Variants in VXN observed in about 807,000 individuals in gnomAD.
VXN encodes the protein uncharacterized protein C8orf46.
VXN carries 7 observed loss-of-function variants against 23.1 expected under a neutral mutation model. That is an observed-to-expected ratio of 0.30 (90% CI 0.17 to 0.57). The LOEUF is 0.57. Ranked by LOEUF, VXN falls within the 20% of genes least tolerant of loss-of-function variation. The pLI is 0.91. For missense variants in VXN, 238 were observed against 272.6 expected (o/e 0.87, Z 0.89); for synonymous variants, 120 against 105.8 (o/e 1.13, Z -0.83).
In VXN at chr8:66,493,596, G is replaced by A. The variant is rs1204006705; in HGVS notation, c.-53G>A. ...GGATTAGGATGCCTCGCGACTAGGG[G>A]TCCAGAGACAGAGGCCTCCAGTTCC... is the stretch of plus-strand genomic sequence containing the variant. On this transcript the variant is annotated 5_prime_UTR_variant, in exon 1 of 6. Transcript: ENST00000305454. The A allele has an allele frequency of 2.0e-6, 3 of 1,503,096 alleles. No homozygotes were observed. In the Admixed American group the frequency reaches 5.0e-5, roughly 25 times the overall value. The allele number at this position is 1,503,096 out of a possible 1,614,324, so 93.1% of individuals were successfully genotyped here. A position where few individuals can be genotyped will look rare whatever the true frequency, so the allele number is the denominator to read the frequency against.
Position 66,517,430 on chromosome 8 carries a change from A to G in VXN, c.*1354A>G, listed in dbSNP as rs1020196363. 1 of 152,236 alleles carries G rather than the reference A, an allele frequency of 6.6e-6. No individual in the cohort carries two copies. Among genetic ancestry groups the G allele is most frequent in the African/African-American group, 2.4e-5 (1 of 41,468 alleles). The allele number at this position is 152,236 out of a possible 1,614,324, so 9.4% of individuals were successfully genotyped here. On this transcript the variant is annotated 3_prime_UTR_variant, in exon 6 of 6. Coordinates refer to ENST00000305454, the MANE Select transcript of VXN (RefSeq NM_152765.4). ...TAGACTAAGGCACCTAACTTATGTG[A>G]GTGTCAGGCTTCAATGCCTGTGTTA...
chr8:66,513,589 T>G lies in VXN; in HGVS notation c.392T>G (p.Leu131Trp), dbSNP rs1807850097. The G allele has an allele frequency of 2.5e-6, 4 of 1,614,144 alleles. No homozygotes were observed. Among genetic ancestry groups the G allele is most frequent in the Non-Finnish European group, 3.4e-6 (4 of 1,179,994 alleles). ...GTGAAAACTTCAGCCTCTGCCTCAT[T>G]GGAGGCGACAGCCATGGGCACAGAG... Reference protein sequence around the residue: ...ISVKTSASASLEATAMGTEKG... With the variant: ...ISVKTSASASWEATAMGTEKG... The change falls in exon 5 of 6, where the codon TTG becomes TGG. Residue 131 changes from leucine to tryptophan, a missense_variant. Leu to Trp is a moderately conservative substitution (Grantham distance 61). Coordinates refer to ENST00000305454, the MANE Select transcript of VXN (RefSeq NM_152765.4).
In VXN at chr8:66,516,060, C is replaced by T; in HGVS notation, c.608C>T (p.Ala203Val). 1 of 1,610,296 alleles carries T rather than the reference C, an allele frequency of 6.2e-7. No individual in the cohort carries two copies. The highest frequency in any genetic ancestry group is 8.5e-7 in the Non-Finnish European group (1 of 1,179,328). ...GAATATGTGGGAGCCACCAACAGCG[C>T]CTTTGAGGCCGACTAAAGGTGACCC... ...KSEYVGATNS[A>V]FEAD The change falls in exon 6 of 6, where the codon GCC becomes GTC. Residue 203 changes from alanine (A) to valine (V), a missense_variant. Physicochemically the swap from Ala to Val is moderately conservative, Grantham distance 64 (BLOSUM62 0). Transcript: ENST00000305454.
chr8:66,493,820 G>A (rs1374780663), intron 1 of VXN, 102 bp downstream of exon 1: 1 of 888,222 alleles, frequency 1.1e-6, no homozygotes, highest in Non-Finnish European at 1.8e-6. Flanking sequence ...TCAGGTCTCT[G>A]GGGTCTGATG....
rs187742383 is a variant in VXN at position 66,493,634 on chromosome 8, G to A, written c.-15G>A. On this transcript the variant is annotated 5_prime_UTR_variant, in exon 1 of 6. Transcript: ENST00000305454. ...GGCCTCCAGTTCCCAGGCACTTCGG[G>A]AAGAGGAGGCTGAAATGATGCATCA... The A allele has an allele frequency of 4.4e-4, 706 of 1,612,872 alleles. 3 individuals are homozygous for A. In the African/African-American group the frequency reaches 6.7e-3, roughly 15 times the overall value.
rs200298492 is a variant in VXN, at chr8:66,505,334, G to C, written c.127-41G>C. The C allele has an allele frequency of 8.3e-6, 13 of 1,562,970 alleles. No individual in the cohort carries two copies. In the African/African-American group the frequency reaches 9.4e-5, roughly 11 times the overall value. ...TGGGGTTCCATGGGTCCCTAGGCCC[G>C]AGCAGAGGAGTGGGCTAACCGCGTT... On this transcript the variant is annotated intron_variant, in intron 2 of 5. Transcript: ENST00000305454.
In VXN at chr8:66,512,353, C is replaced by T. The variant is rs1008021543; in HGVS notation, c.343-1187C>T. Among the ~76,000 whole-genome samples the T allele has an allele frequency of 3.3e-5, 5 of 152,166 alleles. No individual in the cohort carries two copies. In the East Asian group the frequency reaches 5.8e-4, roughly 18 times the overall value. On this transcript the variant is annotated intron_variant, in intron 4 of 5. Transcript: ENST00000305454. ...GCATAATGGGAAGGAAGCGTTTGCA[C>T]GGACCACAAGGTGGCACAGCAGCTC...
intron 2 of VXN, among the ~76,000 whole-genome samples, chr8:66,502,378 A>T (rs1267250267): frequency 6.6e-6 from 1 of 152,192 alleles, no homozygotes. Context: ...TGGATAAATG[A>T]GATTGCAAAG....
chr8:66,505,460 G>T lies in VXN; in HGVS notation c.212G>T (p.Arg71Leu). 6.3e-7 allele frequency: 1 copy of T among 1,575,594 alleles called. No homozygotes were observed. Among genetic ancestry groups the T allele is most frequent in the Non-Finnish European group, 8.6e-7 (1 of 1,161,548 alleles). ...GACCGCAGGGACCCTGGCGACCGCC[G>T]CAGGTTTGGGCGGCTCCAGACCGCG... ...RGDRRDPGDRRRFGRLQTARP... is the reference protein window; with the variant it reads ...RGDRRDPGDRLRFGRLQTARP... The change falls in exon 3 of 6, where the codon CGC becomes CTC. Residue 71 changes from arginine (R) to leucine (L), a missense_variant. Coordinates refer to ENST00000305454, the MANE Select transcript of VXN (RefSeq NM_152765.4).
intron 4 of VXN, 55 bp from the exon 5 acceptor site, chr8:66,513,485 G>A: frequency 6.9e-7 from 1 of 1,448,168 alleles, no homozygotes; most frequent in Non-Finnish European, 9.7e-7. Context: ...CTCAGTCAGG[G>A]CCAGAGTGGG....
rs1470576230 is a variant in VXN at position 66,515,783 on chromosome 8, A to G, written c.441-110A>G. On this transcript the variant is annotated intron_variant, in intron 5 of 5. Coordinates refer to ENST00000305454, the MANE Select transcript of VXN (RefSeq NM_152765.4). ...CCTTACAGCTACGTGGATCCCGGTC[A>G]CTGAGGAGGAGCAGAGGAGAGAGAG... is the stretch of plus-strand genomic sequence containing the variant. 4.4e-6 allele frequency: 4 copies of G among 913,022 alleles called. No homozygotes were observed. The Admixed American group carries it at 1.0e-4, about 24-fold the overall frequency. The allele number at this position is 913,022 out of a possible 1,614,324, so 56.6% of individuals were successfully genotyped here.
In VXN at chr8:66,513,545, G is replaced by T; in HGVS notation, c.348G>T (p.Pro116=). ...GNRAYGKSLI[P]PVPRISVKTS... is the part of the protein sequence containing the mutation. ...CTCCCGCTTCCTCATGACAGATACCGCCAGTGCCCCGGATCTCAGTGAAAA... is the reference window on the plus strand; with the variant it reads ...CTCCCGCTTCCTCATGACAGATACCTCCAGTGCCCCGGATCTCAGTGAAAA... Residue 116 remains proline, a synonymous_variant, in exon 5 of 6, where the codon CCG becomes CCT. Transcript: ENST00000305454. 1 of 1,613,940 alleles carries T rather than the reference G, an allele frequency of 6.2e-7. No individual in the cohort carries two copies. Among genetic ancestry groups the T allele is most frequent in the Non-Finnish European group, 8.5e-7 (1 of 1,179,884 alleles).
intron 4 of VXN, among the ~76,000 whole-genome samples, chr8:66,512,537 G>A (rs192659729): frequency 6.6e-6 from 1 of 152,306 alleles, no homozygotes; most frequent in African/African-American, 2.4e-5. Flanking sequence ...AGCAGCCTCT[G>A]GACTTAGCCC....
chr8:66,516,439 A>AT lies in VXN; in HGVS notation c.*367dup, dbSNP rs1461853121. 3 of 161,022 alleles carry AT rather than the reference A, an allele frequency of 1.9e-5. No homozygotes were observed. Among genetic ancestry groups the AT allele is most frequent in the Non-Finnish European group, 4.0e-5 (3 of 74,188 alleles). The allele number at this position is 161,022 out of a possible 1,614,324, so 10.0% of individuals were successfully genotyped here. The stretch of plus-strand genomic sequence containing the variant: ...CTTGTGAGTTGCTCTAAAGTGTGTG[A>AT]TTTTCTAGTGTAAATGGACTTTGAG... On this transcript the variant is annotated 3_prime_UTR_variant, in exon 6 of 6. Coordinates refer to ENST00000305454, the MANE Select transcript of VXN (RefSeq NM_152765.4).
At chr8:66,495,019 T>C (rs1807610542) in intron 1 of VXN, 2 of 152,222 alleles carry the variant, frequency 1.3e-5, no homozygotes. Context: ...AAAAATTATA[T>C]ATGTAAGATA....
chr8:66,496,466 A>G lies in VXN; in HGVS notation c.100A>G (p.Ser34Gly). 6.2e-7 allele frequency: 1 copy of G among 1,614,174 alleles called. No homozygotes were observed. The highest frequency in any genetic ancestry group is 1.1e-5 in the South Asian group (1 of 91,076). ...VSSPARRRAK[S>G]SQHLLTKNVV... is the part of the protein sequence containing the mutation. ...CAGTCCAGCCAGAAGAAGAGCCAAA[A>G]GCTCTCAGCACCTCTTGACCAAGAA... Residue 34 changes from serine (S) to glycine (G), a missense_variant, in exon 2 of 6, where the codon AGC becomes GGC. Physicochemically the swap from Ser to Gly is moderately conservative, Grantham distance 56 (BLOSUM62 0). Transcript: ENST00000305454.
In VXN at chr8:66,497,901, C is replaced by T. The variant is rs929708198; in HGVS notation, c.126+1409C>T. The stretch of plus-strand genomic sequence containing the variant: ...TTAGCCAGGCGGCCAGGCGCAGTGG[C>T]TCACGCCTGTAATCCTAGCACTTTG... On this transcript the variant is annotated intron_variant, in intron 2 of 5. Coordinates refer to ENST00000305454, the MANE Select transcript of VXN (RefSeq NM_152765.4). Among the ~76,000 whole-genome samples the T allele has an allele frequency of 2.6e-5, 4 of 151,920 alleles. No individual in the cohort carries two copies. In the East Asian group the frequency reaches 5.8e-4, roughly 22 times the overall value.
intron 2 of VXN, among the ~76,000 whole-genome samples, chr8:66,504,235 A>G (rs1323524316): frequency 1.3e-5 from 2 of 152,182 alleles, no homozygotes; most frequent in Non-Finnish European, 2.9e-5. Flanking sequence ...ATTGGAAGGC[A>G]GCGGCAGTCT....
chr8:66,504,546 T>G (rs962443595), intron 2 of VXN, among the ~76,000 whole-genome samples: 1 of 152,188 alleles, frequency 6.6e-6, no homozygotes, highest in African/African-American at 2.4e-5. Context: ...TTTTTACACT[T>G]AAATTATCTC....
Sources: gnomAD v4.1 joint callset for allele counts (sites outside exome capture counted in the v4.1 genomes callset) on GRCh38, gnomAD v4.1.1 for gene constraint, MANE v1.5 for transcripts, NCBI Gene and HGNC (gene_info 2026-07-23, HGNC 2026-07-21) for gene names.